The following RELN variants were observed in gnomAD, a reference collection of about 807,000 sequenced individuals.
RELN encodes reelin.
RELN carries 108 observed loss-of-function variants against 427.6 expected under a neutral mutation model. The observed-to-expected ratio is 0.25, with a 90% CI of 0.22 to 0.30. RELN has a LOEUF of 0.30. Among genes scored for constraint, RELN ranks in the 10% least tolerant of loss-of-function variants. The pLI is 1.00. For synonymous variants in RELN, 1,524 were observed against 1,513.4 expected (o/e 1.01, Z -0.16); for missense variants, 3,715 against 4,302.8 (o/e 0.86, Z 3.82).
intron 24 of RELN, among the ~76,000 whole-genome samples, chr7:103,601,748 G>A (rs1214609528): frequency 6.6e-6 from 1 of 152,164 alleles, no homozygotes; most frequent in East Asian, 1.9e-4. Flanking sequence ...TGCCTAGACT[G>A]CAGTGAGGGA....
chr7:103,624,320 C>G (rs949904123), intron 20 of RELN, among the ~76,000 whole-genome samples: 12 of 152,220 alleles, frequency 7.9e-5, no homozygotes, highest in African/African-American at 2.7e-4. Context: ...TTCCTACTCT[C>G]TCGGGCTGAT....
chr7:103,753,705 T>G (rs1432906637), intron 4 of RELN, among the ~76,000 whole-genome samples: 1 of 152,236 alleles, frequency 6.6e-6, no homozygotes, highest in East Asian at 1.9e-4. Flanking sequence ...GTTTTACACA[T>G]GAATTTCCTA....
At chr7:103,585,055 A>T in intron 28 of RELN, among the ~76,000 whole-genome samples, 1 of 152,198 alleles carries the variant, frequency 6.6e-6, no homozygotes, top group East Asian at 1.9e-4. Context: ...TCTGAGATAC[A>T]GCAAAAGCAG....
At chr7:103,898,978 A>G (rs1237189410) in intron 2 of RELN, among the ~76,000 whole-genome samples, 1 of 152,072 alleles carries the variant, frequency 6.6e-6, no homozygotes, top group East Asian at 1.9e-4. Flanking sequence ...ATGATGGATT[A>G]TTCTTTAAAA....
intron 36 of RELN, among the ~76,000 whole-genome samples, chr7:103,558,548 C>T (rs1830574355): frequency 6.6e-6 from 1 of 152,144 alleles, no homozygotes; most frequent in Non-Finnish European, 1.5e-5. Flanking sequence ...CAACAACATC[C>T]CCCAGTTGGT....
intron 46 of RELN, among the ~76,000 whole-genome samples, chr7:103,529,211 TC>T (rs1367941150): frequency 3.3e-5 from 5 of 152,066 alleles, no homozygotes; most frequent in Non-Finnish European, 5.9e-5. Flanking sequence ...TTTCCCCCAT[TC>T]CTTTCACAAT....
chr7:103,495,688 G>A (rs1355422348), intron 57 of RELN, 35 bp downstream of exon 57: 2 of 1,603,960 alleles, frequency 1.2e-6, no homozygotes, highest in Non-Finnish European at 1.7e-6. Flanking sequence ...CAAATGCAAT[G>A]CTACTTTCTG....
At chr7:103,697,539 C>T (rs1381272455) in intron 10 of RELN, among the ~76,000 whole-genome samples, 2 of 152,160 alleles carry the variant, frequency 1.3e-5, no homozygotes, top group Non-Finnish European at 2.9e-5. Flanking sequence ...TATTTAACTC[C>T]CCCAAACTAA....
intron 63 of RELN, among the ~76,000 whole-genome samples, chr7:103,481,543 A>G (rs1055624669): frequency 5.9e-5 from 9 of 152,216 alleles, no homozygotes; most frequent in Middle Eastern, 3.2e-3. Flanking sequence ...TTCCCACTGC[A>G]GATCAATTTA....
At chr7:103,853,465 G>A (rs1285890151) in intron 2 of RELN, among the ~76,000 whole-genome samples, 1 of 151,726 alleles carries the variant, frequency 6.6e-6, no homozygotes, top group Non-Finnish European at 1.5e-5. Flanking sequence ...GCTTCTTTTA[G>A]GCTTTATGTA....
rs1828854602 is a variant in RELN, at chr7:103,496,784, T to C, written c.8951-16A>G. The C allele has an allele frequency of 6.2e-7, 1 of 1,612,872 alleles. No individual in the cohort carries two copies. The highest frequency in any genetic ancestry group is 8.5e-7 in the Non-Finnish European group (1 of 1,179,286). ...CAGGTAATTCCTATAATAACAAATA[T>C]ACCAACATAGCAATATATCTAGAAT... On this transcript the variant is annotated splice_polypyrimidine_tract_variant and intron_variant, in intron 55 of 64. Coordinates refer to ENST00000428762, the MANE Select transcript of RELN (RefSeq NM_005045.4).
At chr7:103,749,025 G>A (rs1416866468) in intron 6 of RELN, among the ~76,000 whole-genome samples, 5 of 152,088 alleles carry the variant, frequency 3.3e-5, no homozygotes, top group Admixed American at 1.3e-4. Flanking sequence ...AAAGACTGGA[G>A]TATACATAAT....
rs983845835 is a variant in RELN at position 103,682,153 on chromosome 7, C to T, written c.1252G>A (p.Glu418Lys). 2.4e-5 allele frequency: 39 copies of T among 1,613,808 alleles called. No homozygotes were observed. Among genetic ancestry groups the T allele is most frequent in the Admixed American group, 6.7e-5 (4 of 59,978 alleles). Residue 418 changes from glutamate to lysine, a missense_variant, in exon 11 of 65, where the codon GAG becomes AAG. Physicochemically the swap from Glu to Lys is moderately conservative, Grantham distance 56. This residue lies in a region of RELN where 2,208 missense variants were observed against 2,361.7 expected (regional missense o/e 0.93). Transcript: ENST00000428762. ...CTCTCAAATTCTTCTGACCATTGCT[C>T]TTGAATATCTTCTGTGGAAAGATCT... is the stretch of plus-strand genomic sequence containing the variant. The part of the protein sequence containing the change: ...DVDLSTEDIQ[E>K]QWSEEFESQP...
intron 4 of RELN, among the ~76,000 whole-genome samples, chr7:103,756,360 T>C (rs2116103828): frequency 6.6e-6 from 1 of 152,322 alleles, no homozygotes; most frequent in South Asian, 2.1e-4. Context: ...GAAAGCCAGA[T>C]TTAAAATTCA....
intron 3 of RELN, among the ~76,000 whole-genome samples, chr7:103,782,606 TGAA>T (rs1791919728): frequency 6.6e-6 from 1 of 152,172 alleles, no homozygotes; most frequent in African/African-American, 2.4e-5. Flanking sequence ...TTTGAACATA[TGAA>T]GGAATCAGAG....
chr7:103,662,821 T>C (rs1833174117), intron 11 of RELN, among the ~76,000 whole-genome samples: 1 of 152,110 alleles, frequency 6.6e-6, no homozygotes, highest in South Asian at 2.1e-4. Context: ...CTAAACTGCA[T>C]ACATGATTAC....
chr7:103,656,095 T>C (rs951531167), intron 12 of RELN, among the ~76,000 whole-genome samples: 4 of 151,994 alleles, frequency 2.6e-5, no homozygotes, highest in Non-Finnish European at 4.4e-5. Flanking sequence ...CTCATTAAGG[T>C]CACCTATGAG....
chr7:103,776,929 A>G (rs530258905), intron 3 of RELN, among the ~76,000 whole-genome samples: 1 of 152,294 alleles, frequency 6.6e-6, no homozygotes, highest in East Asian at 1.9e-4. Context: ...GGCTTATTAA[A>G]ATTTCTTCTT....
chr7:103,598,599 G>A (rs1003799016), intron 24 of RELN, among the ~76,000 whole-genome samples: 1 of 152,224 alleles, frequency 6.6e-6, no homozygotes, highest in Non-Finnish European at 1.5e-5. Flanking sequence ...GAAATTCAGA[G>A]TAGTGTTGTT....
Sources: gnomAD v4.1 joint callset for allele counts (sites outside exome capture counted in the v4.1 genomes callset) on GRCh38, gnomAD v4.1.1 for gene constraint, gnomAD v4.1.1 regional missense constraint, MANE v1.5 for transcripts, NCBI Gene and HGNC (gene_info 2026-07-23, HGNC 2026-07-21) for gene names.